PRMT2: variants seen among roughly 807,000 people sequenced by gnomAD.
The protein encoded by PRMT2 is protein arginine methyltransferase 2.
A neutral mutation model predicts 57.6 loss-of-function variants in PRMT2; 26 were observed. The ratio of observed to expected loss-of-function variants is 0.45; its 90% CI spans 0.33 to 0.63. The LOEUF (loss-of-function observed/expected upper bound fraction) is 0.63, where lower values mean the gene tolerates loss of function less well. Ranked by LOEUF, PRMT2 falls within the 20% of genes least tolerant of loss-of-function variation. The pLI, the probability that PRMT2 is intolerant of heterozygous loss-of-function variation, is 0.02. For missense variants in PRMT2, 472 were observed against 564.4 expected (o/e 0.84, Z 1.66); for synonymous variants, 219 against 220.0 (o/e 1.00, Z 0.04).
At chr21:46,656,313 A>G (rs1029543080) in intron 7 of PRMT2, among the ~76,000 whole-genome samples, 1 of 152,260 alleles carries the variant, frequency 6.6e-6, no homozygotes, top group African/African-American at 2.4e-5. Flanking sequence ...CCATGAGCCA[A>G]ATAAACCTCA....
intron 7 of PRMT2, chr21:46,653,914 T>A: frequency 2.0e-6 from 2 of 1,009,566 alleles, no homozygotes; most frequent in Non-Finnish European, 2.4e-6. Flanking sequence ...GGACAAAAAA[T>A]GACAGCCTTT....
chr21:46,664,163 A>T, intron 11 of PRMT2, 132 bp from the exon 12 acceptor site: 1 of 688,696 alleles, frequency 1.5e-6, no homozygotes, highest in Non-Finnish European at 2.5e-6. Flanking sequence ...AGTTTTTGTT[A>T]AAAGTTTGTC....
At chr21:46,653,724 C>T (rs781770353) in intron 7 of PRMT2, 92 of 1,232,646 alleles carry the variant, frequency 7.5e-5, no homozygotes, top group Non-Finnish European at 9.4e-5. Context: ...CGCACACACA[C>T]AAAACCATCA....
intron 3 of PRMT2, among the ~76,000 whole-genome samples, chr21:46,640,129 T>A (rs1371387495): frequency 6.6e-6 from 1 of 152,226 alleles, no homozygotes; most frequent in Non-Finnish European, 1.5e-5. Context: ...GTAAAGATCT[T>A]AGAAGTTAGT....
chr21:46,651,272 G>T (rs550181704), intron 7 of PRMT2, among the ~76,000 whole-genome samples: 1 of 152,194 alleles, frequency 6.6e-6, no homozygotes, highest in Non-Finnish European at 1.5e-5. Context: ...GGGGCCTGGC[G>T]TGAGCAGGAC....
chr21:46,657,380 A>AG (rs201556365), intron 7 of PRMT2: 1 of 149,546 alleles, frequency 6.7e-6, no homozygotes, highest in African/African-American at 2.4e-5. Flanking sequence ...TAATTGCAAA[A>AG]AAAAAAAAAA....
intron 5 of PRMT2, among the ~76,000 whole-genome samples, chr21:46,645,315 C>CGTGAGCCAGGATGGTGCTG (rs1555930177): frequency 1.3e-5 from 2 of 151,956 alleles, no homozygotes; most frequent in African/African-American, 2.4e-5. Context: ...AATAATACTA[C>CGTGAGCCAGGATGGTGCTG]TTAGGTCAGG....
At chr21:46,660,801 C>T in intron 8 of PRMT2, 32 bp from the exon 9 acceptor site, 1 of 1,611,434 alleles carries the variant, frequency 6.2e-7, no homozygotes, top group South Asian at 1.1e-5. Flanking sequence ...TTTGCAATGA[C>T]TCTCAACAGT....
intron 3 of PRMT2, among the ~76,000 whole-genome samples, chr21:46,641,719 C>CTGTGTGTG (rs34542867): frequency 3.4e-5 from 5 of 148,106 alleles, no homozygotes; most frequent in Non-Finnish European, 6.0e-5. Context: ...AAGAAACAGC[C>CTGTGTGTG]TGTGTGTGTG....
chr21:46,654,257 C>A, intron 7 of PRMT2: 1 of 453,712 alleles, frequency 2.2e-6, no homozygotes, highest in Non-Finnish European at 2.9e-6. Flanking sequence ...TACATATGAT[C>A]ATTAAAAATT....
chr21:46,660,449 A>G (rs1331314246), intron 8 of PRMT2, among the ~76,000 whole-genome samples: 2 of 152,252 alleles, frequency 1.3e-5, no homozygotes, highest in Non-Finnish European at 2.9e-5. Flanking sequence ...TTTTGAAATC[A>G]AATACATTCT....
At chr21:46,662,349 G>GT (rs1244478548) in intron 10 of PRMT2, among the ~76,000 whole-genome samples, 1 of 152,248 alleles carries the variant, frequency 6.6e-6, no homozygotes, top group Non-Finnish European at 1.5e-5. Context: ...CTGGGCATGT[G>GT]TGGCAGTGGA....
In PRMT2 at chr21:46,648,760, G is replaced by C. The variant is rs949706258; in HGVS notation, c.489+141G>C. 9.1e-7 allele frequency: 1 copy of C among 1,097,012 alleles called. No individual in the cohort carries two copies. Among genetic ancestry groups the C allele is most frequent in the East Asian group, 2.4e-5 (1 of 41,142 alleles). The allele number at this position is 1,097,012 out of a possible 1,614,324, so 68.0% of individuals were successfully genotyped here. ...CATGGTCTTGTTGAGCACCCTGCACGTGGGGCTCAGGGTCGGTAAAATAGC... is the reference window on the plus strand; with the variant it reads ...CATGGTCTTGTTGAGCACCCTGCACCTGGGGCTCAGGGTCGGTAAAATAGC... On this transcript the variant is annotated intron_variant, in intron 6 of 11. Transcript: ENST00000355680. This position sits in a 1 kb window ranked among gnomAD's most constrained non-coding sequence, Gnocchi z 4.8.
Position 46,664,693 on chromosome 21 carries a change from G to C in PRMT2, c.*366G>C. ...ACGCATATCAGCCCGTGTACCCTGT[G>C]ACAGTGACTGTCCCCACCTCCTATG... On this transcript the variant is annotated 3_prime_UTR_variant, in exon 12 of 12. Coordinates refer to ENST00000355680, the MANE Select transcript of PRMT2 (RefSeq NM_206962.4). 7.2e-6 allele frequency: 2 copies of C among 278,474 alleles called. No individual in the cohort carries two copies. Among genetic ancestry groups the C allele is most frequent in the Non-Finnish European group, 1.4e-5 (2 of 143,530 alleles). 17.3% of individuals were successfully genotyped at this position (278,474 alleles called of 1,614,324 possible). A position where few individuals can be genotyped will look rare whatever the true frequency, so the allele number is the denominator to read the frequency against.
chr21:46,643,538 G>A lies in PRMT2; in HGVS notation c.43G>A (p.Glu15Lys), dbSNP rs2061315601. The A allele has an allele frequency of 3.2e-6, 5 of 1,580,572 alleles. No individual in the cohort carries two copies. The highest frequency in any genetic ancestry group is 1.9e-5 in the Admixed American group (1 of 53,008). ...GDCPRSESQG[E>K]EPAECSEAGL... ...CGCTTTCCTTGGCTTTGAGCAGGGA[G>A]AAGAGCCTGCTGAGTGCAGTGAGGC... The change falls in exon 4 of 12, where the codon GAA (glutamate) becomes AAA (lysine). Residue 15 changes from glutamate to lysine, a missense_variant. Around this residue, in one of 2 missense-constraint regions of PRMT2, gnomAD observed 243 missense variants for 347.2 expected, o/e 0.70. Coordinates refer to ENST00000355680, the MANE Select transcript of PRMT2 (RefSeq NM_206962.4).
At chr21:46,651,368 ATC>A (rs1896000944) in intron 7 of PRMT2, among the ~76,000 whole-genome samples, 1 of 151,546 alleles carries the variant, frequency 6.6e-6, no homozygotes. Flanking sequence ...GAGGGTGGAC[ATC>A]TGTGTGGGTC....
At chr21:46,642,785 G>A (rs2061298911) in intron 3 of PRMT2, among the ~76,000 whole-genome samples, 3 of 152,180 alleles carry the variant, frequency 2.0e-5, no homozygotes, top group Admixed American at 2.0e-4. Flanking sequence ...CACTTTGGGA[G>A]GATGAGGCAG....
intron 10 of PRMT2, among the ~76,000 whole-genome samples, chr21:46,662,261 C>T (rs1023873598): frequency 1.3e-5 from 2 of 152,184 alleles, no homozygotes; most frequent in Admixed American, 6.5e-5. Flanking sequence ...TGACCCAAAG[C>T]GCCTCCACGG....
chr21:46,652,897 G>A, intron 7 of PRMT2: 1 of 1,303,150 alleles, frequency 7.7e-7, no homozygotes, highest in Middle Eastern at 2.1e-4. Flanking sequence ...TTTCCGAGAA[G>A]CAGGTTGCAC....
Sources: allele counts gnomAD v4.1 joint callset (sites outside exome capture counted in the v4.1 genomes callset), GRCh38; gene constraint gnomAD v4.1.1; regional missense constraint gnomAD v4.1.1; non-coding constraint Gnocchi (gnomAD v3.1); transcripts MANE v1.5; gene names NCBI Gene and HGNC (gene_info 2026-07-23, HGNC 2026-07-21).